TTLL5: variants seen among roughly 807,000 people sequenced by gnomAD.
The protein encoded by TTLL5 is tubulin polyglutamylase TTLL5.
Under a neutral mutation model 168.4 loss-of-function variants are expected in TTLL5, and 132 were observed. The observed-to-expected ratio is 0.78, with a 90% CI of 0.68 to 0.91. The LOEUF (loss-of-function observed/expected upper bound fraction) is 0.91, where lower values mean the gene tolerates loss of function less well. Ranked by LOEUF, TTLL5 falls within the 40% of genes least tolerant of loss-of-function variation. The probability of loss-of-function intolerance (pLI) is 0.00; values close to 1 mark genes in which losing one functional copy is unlikely to be tolerated. For missense variants in TTLL5, 1,545 were observed against 1,581.5 expected (o/e 0.98, Z 0.39); for synonymous variants, 546 against 558.6 (o/e 0.98, Z 0.32).
At chr14:75,757,381 A>G (rs951935185) in intron 18 of TTLL5, among the ~76,000 whole-genome samples, 4 of 152,176 alleles carry the variant, frequency 2.6e-5, no homozygotes, top group Admixed American at 2.6e-4. Flanking sequence ...AAAACAGTTC[A>G]GTGAAAGTAG....
At chr14:75,703,713 C>T (rs552732763) in intron 7 of TTLL5, among the ~76,000 whole-genome samples, 2 of 152,300 alleles carry the variant, frequency 1.3e-5, no homozygotes, top group African/African-American at 2.4e-5. Context: ...AGTGTTAGGT[C>T]ACTCTAGTCC....
Position 75,954,628 on chromosome 14 carries a change from G to A in TTLL5, c.*182G>A. 1 of 630,016 alleles carries A rather than the reference G, an allele frequency of 1.6e-6. No individual in the cohort carries two copies. The highest frequency in any genetic ancestry group is 2.8e-6 in the Non-Finnish European group (1 of 360,600). 39.0% of individuals were successfully genotyped at this position (630,016 alleles called of 1,614,324 possible). ...AATCAGCCAATGCAGACTTTCACTG[G>A]GACAACAAGAAAGCAGATCTTCTGG... On this transcript the variant is annotated 3_prime_UTR_variant, in exon 32 of 32. Coordinates refer to ENST00000298832, the MANE Select transcript of TTLL5 (RefSeq NM_015072.5).
At chr14:75,817,379 C>A (rs1169340433) in intron 27 of TTLL5, among the ~76,000 whole-genome samples, 1 of 152,046 alleles carries the variant, frequency 6.6e-6, no homozygotes, top group Non-Finnish European at 1.5e-5. Context: ...GTTTTTCTTC[C>A]AAAGACTGGT....
At chr14:75,725,652 A>T (rs935331704) in intron 12 of TTLL5, among the ~76,000 whole-genome samples, 1 of 152,180 alleles carries the variant, frequency 6.6e-6, no homozygotes, top group African/African-American at 2.4e-5. Flanking sequence ...TGTCCTTATG[A>T]GTCCGGCCAC....
Position 75,792,992 on chromosome 14 carries a change from C to G in TTLL5, c.3063C>G (p.Ser1021Arg), listed in dbSNP as rs1258816504. ...AGGGAGAAGATGCTTCTTTATATAG[C>G]AAACGGTACAACCAAAGTATGGTTA... ...QKEGEDASLY[S>R]KRYNQSMVTA... is the part of the protein sequence containing the mutation. The change falls in exon 27 of 32, where the codon AGC becomes AGG. Residue 1021 changes from serine (S) to arginine (R), a missense_variant. By Grantham distance (110) the Ser-to-Arg change is moderately radical. Coordinates refer to ENST00000298832, the MANE Select transcript of TTLL5 (RefSeq NM_015072.5). 1 of 1,613,620 alleles carries G rather than the reference C, an allele frequency of 6.2e-7. No homozygotes were observed. Among genetic ancestry groups the G allele is most frequent in the South Asian group, 1.1e-5 (1 of 90,978 alleles).
At chr14:75,668,998 G>A (rs1883506884) in intron 2 of TTLL5, among the ~76,000 whole-genome samples, 1 of 152,142 alleles carries the variant, frequency 6.6e-6, no homozygotes, top group South Asian at 2.1e-4. Flanking sequence ...GTCACAAAAT[G>A]GTTGTTGCCC....
intron 29 of TTLL5, among the ~76,000 whole-genome samples, chr14:75,872,551 A>G (rs1366909910): frequency 6.6e-6 from 1 of 152,162 alleles, no homozygotes; most frequent in Non-Finnish European, 1.5e-5. Flanking sequence ...GACACAGGTC[A>G]TATGGTTGGG....
chr14:75,948,815 G>A (rs1415716624), intron 31 of TTLL5, among the ~76,000 whole-genome samples: 1 of 152,150 alleles, frequency 6.6e-6, no homozygotes, highest in Non-Finnish European at 1.5e-5. Flanking sequence ...ATGATGACAT[G>A]CTGATATATT....
chr14:75,679,887 A>G (rs757347535), intron 3 of TTLL5, among the ~76,000 whole-genome samples: 5 of 152,226 alleles, frequency 3.3e-5, no homozygotes, highest in Non-Finnish European at 5.9e-5. Context: ...AGTGATTGAC[A>G]TTTTAAATGT....
At chr14:75,808,989 AT>A (rs1368993364) in intron 27 of TTLL5, among the ~76,000 whole-genome samples, 1 of 151,412 alleles carries the variant, frequency 6.6e-6, no homozygotes, top group Non-Finnish European at 1.5e-5. Context: ...ATATATATAT[AT>A]TCTTTATATA....
intron 8 of TTLL5, 33 bp from the exon 9 acceptor site, chr14:75,707,590 T>C: frequency 2.5e-6 from 4 of 1,595,524 alleles, no homozygotes; most frequent in Non-Finnish European, 3.4e-6. Context: ...TGAACTTAGT[T>C]TTTTTTTGTG....
chr14:75,664,853 A>G (rs1163702756), intron 2 of TTLL5, among the ~76,000 whole-genome samples: 1 of 152,134 alleles, frequency 6.6e-6, no homozygotes, highest in Non-Finnish European at 1.5e-5. Context: ...CTTTTACTCC[A>G]TTACTGTCTC....
intron 31 of TTLL5, among the ~76,000 whole-genome samples, chr14:75,951,180 C>CA (rs1279880429): frequency 9.3e-5 from 14 of 150,592 alleles, no homozygotes; most frequent in South Asian, 2.1e-4. Context: ...TCCATCTCTG[C>CA]AAAAAAATAG....
At chr14:75,667,751 G>GTTTTTTTTTTTTTT (rs67181555) in intron 2 of TTLL5, among the ~76,000 whole-genome samples, 26 of 89,088 alleles carry the variant, frequency 2.9e-4, no homozygotes, top group Non-Finnish European at 4.4e-4. Context: ...ATCTTTTTAT[G>GTTTTTTTTTTTTTT]TTTTTTTTTT....
At chr14:75,933,274 G>A (rs1322554900) in intron 31 of TTLL5, among the ~76,000 whole-genome samples, 8 of 152,122 alleles carry the variant, frequency 5.3e-5, no homozygotes, top group Admixed American at 3.3e-4. Flanking sequence ...CTGGACAAGA[G>A]TGAGACCTCA....
intron 11 of TTLL5, 91 bp from the exon 12 acceptor site, chr14:75,720,505 A>G: frequency 1.0e-6 from 1 of 981,042 alleles, no homozygotes; most frequent in Admixed American, 1.9e-5. Context: ...ATGAGCACAC[A>G]TGCTTTTATA....
At chr14:75,668,169 A>AATCTTGGCCAAGTGGATTGTATTGC (rs1225526295) in intron 2 of TTLL5, among the ~76,000 whole-genome samples, 6 of 152,148 alleles carry the variant, frequency 3.9e-5, no homozygotes, top group African/African-American at 1.4e-4. Context: ...GAGTCGAGTG[A>AATCTTGGCCAAGTGGATTGTATTGC]ATCTTGGCCA....
chr14:75,842,809 C>G (rs568710501), intron 28 of TTLL5, among the ~76,000 whole-genome samples: 4 of 152,218 alleles, frequency 2.6e-5, no homozygotes, highest in Admixed American at 6.5e-5. Flanking sequence ...TTCCTGTAAA[C>G]CCAGCGGCTT....
chr14:75,814,392 T>C (rs970407781), intron 27 of TTLL5: 4 of 152,238 alleles, frequency 2.6e-5, no homozygotes, highest in Non-Finnish European at 5.9e-5. Context: ...GGTTTTGTTA[T>C]GTTATTTGGA....
Sources: allele counts gnomAD v4.1 joint callset (sites outside exome capture counted in the v4.1 genomes callset), GRCh38; gene constraint gnomAD v4.1.1; transcripts MANE v1.5; gene names NCBI Gene and HGNC (gene_info 2026-07-23, HGNC 2026-07-21).